Variants in NEBL observed in about 807,000 individuals in gnomAD.
NEBL encodes nebulette.
NEBL carries 122 observed loss-of-function variants against 140.2 expected under a neutral mutation model. The observed-to-expected ratio is 0.87, with a 90% CI of 0.75 to 1.01. The LOEUF is 1.01. NEBL is among the 50% of genes least tolerant of loss of function. NEBL has a pLI of 0.00. For synonymous variants in NEBL, 436 were observed against 398.9 expected, an observed-to-expected ratio of 1.09 and a Z score of -1.11; for missense variants, 1,365 against 1,231.3, an observed-to-expected ratio of 1.11 and a Z score of -1.62.
chr10:20,993,773 C>T (rs768036051), intron 3 of NEBL, among the ~76,000 whole-genome samples: 2 of 152,052 alleles, frequency 1.3e-5, no homozygotes, highest in Non-Finnish European at 1.5e-5. Flanking sequence ...TGTGGGCATA[C>T]GATTCAAAAA....
At chr10:20,951,281 T>C (rs1047903740) in intron 4 of NEBL, among the ~76,000 whole-genome samples, 2 of 151,798 alleles carry the variant, frequency 1.3e-5, no homozygotes, top group African/African-American at 2.4e-5. Flanking sequence ...AATTTAGATA[T>C]CTTTGTGCAA....
intron 3 of NEBL, among the ~76,000 whole-genome samples, chr10:21,191,843 T>C (rs1841579232): frequency 6.6e-6 from 1 of 152,214 alleles, no homozygotes; most frequent in African/African-American, 2.4e-5. Context: ...AAGCATTTGA[T>C]GATCAAAAGC....
chr10:21,132,605 G>A (rs865861060), intron 2 of NEBL, among the ~76,000 whole-genome samples: 10 of 152,090 alleles, frequency 6.6e-5, no homozygotes, highest in East Asian at 1.9e-4. Context: ...TCCCACCTGC[G>A]ATGTGTGAGA....
At chr10:21,274,474 G>A (rs540220611) in intron 1 of NEBL, among the ~76,000 whole-genome samples, 1 of 152,294 alleles carries the variant, frequency 6.6e-6, no homozygotes, top group African/African-American at 2.4e-5. Context: ...TGCCCAGGCT[G>A]GAGTGCAATG....
intron 3 of NEBL, among the ~76,000 whole-genome samples, chr10:21,208,066 G>A (rs1484616719): frequency 6.6e-6 from 1 of 152,328 alleles, no homozygotes; most frequent in Middle Eastern, 3.4e-3. Context: ...AGGGTGCCAA[G>A]TGAGGATATG....
chr10:20,812,820 C>T lies in NEBL; in HGVS notation c.2467G>A (p.Gly823Arg). The T allele has an allele frequency of 6.2e-7, 1 of 1,614,030 alleles. No homozygotes were observed. Among genetic ancestry groups the T allele is most frequent in the African/African-American group, 1.3e-5 (1 of 75,046 alleles). ...TQVVSDAAYKGVHPHIVEMDR... is the reference protein window; with the variant it reads ...TQVVSDAAYKRVHPHIVEMDR... ...ATCTCCACGATGTGAGGGTGGACCC[C>T]TTTATAGGCAGCATCGCTGACCACC... Residue 823 changes from glycine (G) to arginine (R), a missense_variant, in exon 24 of 28, where the codon GGG becomes AGG. Physicochemically the swap from Gly to Arg is moderately radical, Grantham distance 125. Around this residue, in one of 2 missense-constraint regions of NEBL, gnomAD observed 1,323 missense variants for 1,154.8 expected, o/e 1.15. Transcript: ENST00000377122.
intron 4 of NEBL, among the ~76,000 whole-genome samples, chr10:20,910,006 T>C (rs1424140607): frequency 6.6e-6 from 1 of 152,156 alleles, no homozygotes; most frequent in Non-Finnish European, 1.5e-5. Flanking sequence ...ATATCCCCTT[T>C]TCAGCAAACT....
intron 3 of NEBL, among the ~76,000 whole-genome samples, chr10:21,212,511 G>T (rs1291373440): frequency 7.2e-5 from 11 of 152,188 alleles, no homozygotes; most frequent in Admixed American, 3.9e-4. Context: ...ACCAACACTC[G>T]TCATTTCTCA....
At chr10:20,795,771 A>G (rs1208670228) in intron 26 of NEBL, among the ~76,000 whole-genome samples, 2 of 152,154 alleles carry the variant, frequency 1.3e-5, no homozygotes, top group East Asian at 3.9e-4. Context: ...CTTCAAAGTC[A>G]CTGTGTACAA....
intron 4 of NEBL, among the ~76,000 whole-genome samples, chr10:20,937,261 TCA>T (rs1834541494): frequency 6.6e-6 from 1 of 152,196 alleles, no homozygotes; most frequent in African/African-American, 2.4e-5. Context: ...AAGCTCGATT[TCA>T]TATTTTTATT....
rs550590194 is a variant in NEBL, at chr10:21,095,672, G to A, written c.165-75471C>T. 2.4e-4 allele frequency among the ~76,000 whole-genome samples: 37 copies of A among 152,222 alleles called. 1 individual carries two copies. The highest frequency in any genetic ancestry group is 4.7e-4 in the Non-Finnish European group (32 of 68,008). On this transcript the variant is annotated intron_variant, in intron 2 of 6. Coordinates refer to the NEBL transcript ENST00000417816. ...CAATTCATCTTAAATCTGAATTTGG[G>A]GCACTTGGTGCTCAGAGAGAAAGGG... is the stretch of plus-strand genomic sequence containing the variant.
rs140610212 is a variant in NEBL at position 21,034,758 on chromosome 10, G to A, written c.165-14557C>T. Among the ~76,000 whole-genome samples the A allele has an allele frequency of 3.5e-3, 534 of 152,052 alleles. 1 individual carries two copies. The highest frequency in any genetic ancestry group is 0.027 in the South Asian group (130 of 4,808). ...CATTTAAATATGGTTTTTCAGGATC[G>A]ATGCACTGAGGGAGGGAAAAATTAT... On this transcript the variant is annotated intron_variant, in intron 2 of 6. Transcript: ENST00000417816.
chr10:21,027,350 T>G (rs1167805425), intron 2 of NEBL, among the ~76,000 whole-genome samples: 1 of 150,496 alleles, frequency 6.6e-6, no homozygotes, highest in Non-Finnish European at 1.5e-5. Flanking sequence ...AATTTTCAGA[T>G]AGAGTCTCAC....
At chr10:20,930,078 C>T (rs1051369064) in intron 4 of NEBL, among the ~76,000 whole-genome samples, 1 of 152,090 alleles carries the variant, frequency 6.6e-6, no homozygotes, top group Admixed American at 6.5e-5. Flanking sequence ...CTCTTCTCTG[C>T]CTTCTCCCCT....
At chr10:20,817,253 G>C (rs746248723) in intron 21 of NEBL, among the ~76,000 whole-genome samples, 11 of 152,272 alleles carry the variant, frequency 7.2e-5, no homozygotes, top group Non-Finnish European at 1.0e-4. Context: ...TGTAATCCCA[G>C]CTGCTTGGGA....
At chr10:21,001,290 G>A (rs953266210) in intron 3 of NEBL, among the ~76,000 whole-genome samples, 1 of 152,162 alleles carries the variant, frequency 6.6e-6, no homozygotes, top group Non-Finnish European at 1.5e-5. Context: ...CAAGTAAAGA[G>A]AATGTCTTGT....
chr10:20,991,951 T>C (rs536911870), intron 3 of NEBL, among the ~76,000 whole-genome samples: 2 of 152,188 alleles, frequency 1.3e-5, no homozygotes, highest in Non-Finnish European at 2.9e-5. Context: ...AAGACTGTAT[T>C]CTTTTTTATG....
intron 3 of NEBL, among the ~76,000 whole-genome samples, chr10:21,231,181 G>A (rs1012389255): frequency 6.6e-6 from 1 of 152,212 alleles, no homozygotes; most frequent in African/African-American, 2.4e-5. Flanking sequence ...GAACAAGAAA[G>A]CCAAAAGAGC....
intron 1 of NEBL, among the ~76,000 whole-genome samples, chr10:21,270,525 C>T (rs1385948430): frequency 2.0e-5 from 3 of 152,112 alleles, no homozygotes; most frequent in Non-Finnish European, 4.4e-5. Flanking sequence ...CGCCACCACA[C>T]TCAGCTAATT....
Sources: allele counts gnomAD v4.1 joint callset (sites outside exome capture counted in the v4.1 genomes callset), GRCh38; gene constraint gnomAD v4.1.1; regional missense constraint gnomAD v4.1.1; transcripts MANE v1.5; gene names NCBI Gene and HGNC (gene_info 2026-07-23, HGNC 2026-07-21).